The following PTCD1 variants were observed in gnomAD, a reference collection of about 807,000 sequenced individuals.
PTCD1 encodes the protein pentatricopeptide repeat-containing protein 1, mitochondrial.
Under a neutral mutation model 53.4 loss-of-function variants are expected in PTCD1, and 50 were observed. That is an observed-to-expected ratio of 0.94 (90% CI 0.75 to 1.19). PTCD1 has a LOEUF of 1.19. Ranked by LOEUF, PTCD1 falls within the 50% of genes most tolerant of loss-of-function variation. The pLI, the probability that PTCD1 is intolerant of heterozygous loss-of-function variation, is 0.00. For synonymous variants in PTCD1, 413 were observed against 394.8 expected, an observed-to-expected ratio of 1.05 and a Z score of -0.55; for missense variants, 918 against 904.8, an observed-to-expected ratio of 1.01 and a Z score of -0.19.
At chr7:99,423,651 G>A (rs1795910964) in intron 7 of PTCD1, 124 bp downstream of exon 7, 29 of 1,503,950 alleles carry the variant, frequency 1.9e-5, no homozygotes, top group Non-Finnish European at 2.6e-5. Flanking sequence ...GCTCCTAAGG[G>A]AAGCTGCTGG....
rs201144692 is a variant in PTCD1 at position 99,435,158 on chromosome 7, C to T, written c.85G>A (p.Ala29Thr). ...CCCTCCCTGCCTCCTGCCCACCTGG[C>T]TCTACAGGGGTCCAGGTGTTGCAGG... is the stretch of plus-strand genomic sequence containing the variant. The part of the protein sequence containing the change: ...FILQHLDPCR[A>T]RWAGGREGLM... Residue 29 changes from alanine to threonine, a missense_variant, in exon 2 of 8, where the codon GCC becomes ACC. Physicochemically the swap from Ala to Thr is moderately conservative, Grantham distance 58 (BLOSUM62 0). Transcript: ENST00000292478. 190 of 1,602,228 alleles carry T rather than the reference C, an allele frequency of 1.2e-4. 1 individual carries two copies. In the East Asian group the frequency reaches 4.1e-3, roughly 34 times the overall value.
intron 7 of PTCD1, among the ~76,000 whole-genome samples, chr7:99,421,426 CT>C (rs1381784877): frequency 2.4e-5 from 3 of 124,402 alleles, no homozygotes; most frequent in African/African-American, 1.0e-4. Flanking sequence ...ATTCCCGTCT[CT>C]TTAAAAAAAA....
In PTCD1 at chr7:99,438,755, C is replaced by A; in HGVS notation, c.-90G>T. 4 of 1,334,152 alleles carry A rather than the reference C, an allele frequency of 3.0e-6. No homozygotes were observed. The highest frequency in any genetic ancestry group is 4.7e-5 in the East Asian group (1 of 21,456). The allele number at this position is 1,334,152 out of a possible 1,614,324, so 82.6% of individuals were successfully genotyped here. A position where few individuals can be genotyped will look rare whatever the true frequency, so the allele number is the denominator to read the frequency against. On this transcript the variant is annotated 5_prime_UTR_variant, in exon 1 of 8. Transcript: ENST00000292478. ...TGCCCGGTCCCCGCGGCGAACCAGT[C>A]TCTTCCTCGGGTCCCCCTCTCCCCA...
intron 7 of PTCD1, 63 bp from the exon 8 acceptor site, chr7:99,420,212 C>G: frequency 6.2e-7 from 1 of 1,608,572 alleles, no homozygotes. Context: ...CAAACCTCGG[C>G]AGCTGGCTCA....
rs2150943295 is a variant in PTCD1, at chr7:99,419,840, T to C, written c.*127A>G. 2 of 1,513,930 alleles carry C rather than the reference T, an allele frequency of 1.3e-6. No homozygotes were observed. The highest frequency in any genetic ancestry group is 1.2e-5 in the South Asian group (1 of 83,626). The allele number at this position is 1,513,930 out of a possible 1,614,324, so 93.8% of individuals were successfully genotyped here. A position where few individuals can be genotyped will look rare whatever the true frequency, so the allele number is the denominator to read the frequency against. ...CCTAGTGTGTGTCCTCACCAACACCTGTGACACGCTGCGGCTGTTCCTCAG... is the reference window on the plus strand; with the variant it reads ...CCTAGTGTGTGTCCTCACCAACACCCGTGACACGCTGCGGCTGTTCCTCAG... On this transcript the variant is annotated 3_prime_UTR_variant, in exon 8 of 8. Transcript: ENST00000292478.
At position 99,425,208 on chromosome 7, in the gene PTCD1, G is replaced by T. The variant is rs779090713; in HGVS notation, c.1324C>A (p.Leu442Ile). Reference sequence around the variant, plus strand: ...GGGGGAACGGCCCCGGGGGTCAGGAGGTTGACTTCCAGCTCCACGGGAGGT... The same window carrying T: ...GGGGGAACGGCCCCGGGGGTCAGGATGTTGACTTCCAGCTCCACGGGAGGT... ...KPPPVELEVN[L>I]LTPGAVPPTV... The change falls in exon 6 of 8, where the codon CTC (leucine) becomes ATC (isoleucine). Residue 442 changes from leucine (L) to isoleucine (I), a missense_variant. Leu to Ile is a conservative substitution (Grantham distance 5, BLOSUM62 2). Coordinates refer to ENST00000292478, the MANE Select transcript of PTCD1 (RefSeq NM_015545.4). 6.2e-7 allele frequency: 1 copy of T among 1,612,464 alleles called. No homozygotes were observed. Among genetic ancestry groups the T allele is most frequent in the East Asian group, 2.2e-5 (1 of 44,814 alleles).
chr7:99,429,028 G>C, intron 5 of PTCD1, 75 bp downstream of exon 5: 3 of 1,541,052 alleles, frequency 1.9e-6, no homozygotes, highest in Non-Finnish European at 2.7e-6. Flanking sequence ...GCCATCGTGG[G>C]TGCTCACAGG....
chr7:99,435,358 G>A (rs1796420151), intron 1 of PTCD1, 90 bp from the exon 2 acceptor site: 3 of 1,513,672 alleles, frequency 2.0e-6, no homozygotes, highest in Non-Finnish European at 2.7e-6. Flanking sequence ...ATGGGCCCAG[G>A]CCAGGCGCGG....
intron 3 of PTCD1, chr7:99,432,960 G>A (rs1796319766): frequency 6.7e-6 from 3 of 449,518 alleles, no homozygotes. Context: ...GAGGCAGGAG[G>A]AACTCTTGAG....
At position 99,419,144 on chromosome 7, in the gene PTCD1, CGT is replaced by C. The variant is rs1207341385; in HGVS notation, c.*821_*822del. Reference sequence around the variant, plus strand: ...CGATTTCTTTTTCTTGATTGGCAAACGTGTGTTGGATTTGCAGAACATATTAT... The same window carrying C: ...CGATTTCTTTTTCTTGATTGGCAAACGTGTTGGATTTGCAGAACATATTAT... On this transcript the variant is annotated 3_prime_UTR_variant, in exon 8 of 8. Transcript: ENST00000292478. 7.6e-5 allele frequency: 42 copies of C among 553,220 alleles called. No homozygotes were observed. Among genetic ancestry groups the C allele is most frequent in the Middle Eastern group, 4.8e-4 (1 of 2,062 alleles). 34.3% of individuals were successfully genotyped at this position (553,220 alleles called of 1,614,324 possible).
intron 6 of PTCD1, 93 bp downstream of exon 6, chr7:99,424,702 G>A (rs894243850): frequency 6.8e-7 from 1 of 1,481,380 alleles, no homozygotes; most frequent in Admixed American, 1.9e-5. Flanking sequence ...TCCTCTCCAG[G>A]TGGGGGGTCT....
In PTCD1 at chr7:99,435,225, G is replaced by A. The variant is rs149532528; in HGVS notation, c.18C>T (p.Leu6=). 20 of 1,602,638 alleles carry A rather than the reference G, an allele frequency of 1.2e-5. No homozygotes were observed. Among genetic ancestry groups the A allele is most frequent in the Non-Finnish European group, 1.1e-5 (13 of 1,179,974 alleles). Residue 6 remains leucine, a synonymous_variant, in exon 2 of 8, where the codon CTC becomes CTT. Coordinates refer to ENST00000292478, the MANE Select transcript of PTCD1 (RefSeq NM_015545.4). ...GGCGGGCCCTGGCGAACAGTCGAGC[G>A]AGTCTCACGAAGTCCATTTCTGGCT... MDFVR[L]ARLFARARPM...
At chr7:99,425,657 C>A in intron 5 of PTCD1, 41 bp from the exon 6 acceptor site, 2 of 1,577,216 alleles carry the variant, frequency 1.3e-6, no homozygotes, top group South Asian at 1.1e-5. Flanking sequence ...TGCTCCCATT[C>A]AGCAGCTGGG....
At chr7:99,427,684 A>C (rs1394615243) in intron 5 of PTCD1, among the ~76,000 whole-genome samples, 4 of 152,072 alleles carry the variant, frequency 2.6e-5, no homozygotes, top group African/African-American at 9.7e-5. Flanking sequence ...TGGGGAAAAG[A>C]TTGAGAAATC....
chr7:99,438,723 GGAGCCC>G lies in PTCD1; in HGVS notation c.-64_-59del, dbSNP rs1249591510. On this transcript the variant is annotated 5_prime_UTR_variant, in exon 1 of 8. Coordinates refer to ENST00000292478, the MANE Select transcript of PTCD1 (RefSeq NM_015545.4). ...TGTCCGGCGCAGTGCACTCCGACGGGGAGCCCTGCCCGGTCCCCGCGGCGAACCAGT... is the reference window on the plus strand; with the variant it reads ...TGTCCGGCGCAGTGCACTCCGACGGGTGCCCGGTCCCCGCGGCGAACCAGT... 1 of 1,301,294 alleles carries G rather than the reference GGAGCCC, an allele frequency of 7.7e-7. No homozygotes were observed. Among genetic ancestry groups the G allele is most frequent in the African/African-American group, 1.5e-5 (1 of 65,654 alleles). 80.6% of individuals were successfully genotyped at this position (1,301,294 alleles called of 1,614,324 possible).
intron 5 of PTCD1, among the ~76,000 whole-genome samples, chr7:99,428,057 C>T: frequency 6.6e-6 from 1 of 151,176 alleles, no homozygotes. Flanking sequence ...TGTCCTATGA[C>T]CCTGCCAAAT....
rs1044686263 is a variant in PTCD1, at chr7:99,417,025, GT to G, written c.*2941del. ...CCTGGCCTAAGTACTTTTTTTTTTTGTTCCTCCTCCAAGGACTGTCCCGTTG... is the reference window on the plus strand; with the variant it reads ...CCTGGCCTAAGTACTTTTTTTTTTTGTCCTCCTCCAAGGACTGTCCCGTTG... On this transcript the variant is annotated 3_prime_UTR_variant, in exon 8 of 8. Coordinates refer to ENST00000292478, the MANE Select transcript of PTCD1 (RefSeq NM_015545.4). The G allele has an allele frequency of 3.2e-5, 5 of 154,832 alleles. No individual in the cohort carries two copies. Among genetic ancestry groups the G allele is most frequent in the African/African-American group, 1.0e-4 (4 of 38,668 alleles). The allele number at this position is 154,832 out of a possible 1,614,324, so 9.6% of individuals were successfully genotyped here. A position where few individuals can be genotyped will look rare whatever the true frequency, so the allele number is the denominator to read the frequency against.
At position 99,424,884 on chromosome 7, in the gene PTCD1, C is replaced by A. The variant is rs765833081; in HGVS notation, c.1648G>T (p.Gly550Cys). 1.2e-6 allele frequency: 2 copies of A among 1,614,266 alleles called. No individual in the cohort carries two copies. The highest frequency in any genetic ancestry group is 2.2e-5 in the South Asian group (2 of 91,088). The change falls in exon 6 of 8, where the codon GGC (glycine) becomes TGC (cysteine). Residue 550 changes from glycine to cysteine, a missense_variant. By Grantham distance (159) the Gly-to-Cys change is radical. Coordinates refer to ENST00000292478, the MANE Select transcript of PTCD1 (RefSeq NM_015545.4). The part of the protein sequence containing the change: ...KALLPVLAKR[G>C]LVPNLQTFCN... ...AATGTCTGCAGGTTGGGGACGAGGC[C>A]CCTCTTTGCCAGGACCGGCAACAGC...
chr7:99,417,526 C>A lies in PTCD1; in HGVS notation c.*2441G>T, dbSNP rs1465980051. ...ATGAGAACTTGTGCTGCCTGCGGTGCATTCAGACACGGGACACCAACTTCG... is the reference window on the plus strand; with the variant it reads ...ATGAGAACTTGTGCTGCCTGCGGTGAATTCAGACACGGGACACCAACTTCG... On this transcript the variant is annotated 3_prime_UTR_variant, in exon 8 of 8. Coordinates refer to ENST00000292478, the MANE Select transcript of PTCD1 (RefSeq NM_015545.4). 1 of 1,611,588 alleles carries A rather than the reference C, an allele frequency of 6.2e-7. No individual in the cohort carries two copies.
Sources: allele counts gnomAD v4.1 joint callset (sites outside exome capture counted in the v4.1 genomes callset), GRCh38; gene constraint gnomAD v4.1.1; transcripts MANE v1.5; gene names NCBI Gene and HGNC (gene_info 2026-07-23, HGNC 2026-07-21).